BBS9: variants seen among roughly 807,000 people sequenced by gnomAD.
BBS9 encodes Bardet-Biedl syndrome 9.
In BBS9, 89 loss-of-function variants were observed where a neutral mutation model predicts 117.7. The ratio of observed to expected loss-of-function variants is 0.76; its 90% CI spans 0.64 to 0.90. BBS9 has a LOEUF of 0.90. Ranked by LOEUF, BBS9 falls within the 40% of genes least tolerant of loss-of-function variation. The pLI is 0.00. For synonymous variants in BBS9, 379 were observed against 370.9 expected (o/e 1.02, Z -0.25); for missense variants, 982 against 1,042.2 (o/e 0.94, Z 0.80).
chr7:33,623,583 T>C (rs1298175699), intron 21 of BBS9, among the ~76,000 whole-genome samples: 1 of 84,438 alleles, frequency 1.2e-5, no homozygotes, highest in East Asian at 3.4e-4. Flanking sequence ...CATAAAAGCA[T>C]GATTAAAAAA....
At chr7:33,362,208 G>A (rs757938930) in intron 16 of BBS9, among the ~76,000 whole-genome samples, 4 of 151,950 alleles carry the variant, frequency 2.6e-5, no homozygotes, top group Non-Finnish European at 5.9e-5. Flanking sequence ...ATTTCTCCCA[G>A]CCTGTGATAT....
At chr7:33,300,752 T>A (rs888515672) in intron 9 of BBS9, among the ~76,000 whole-genome samples, 1 of 152,120 alleles carries the variant, frequency 6.6e-6, no homozygotes, top group Non-Finnish European at 1.5e-5. Flanking sequence ...ATTTTAACCT[T>A]CCTCCTTAAT....
intron 20 of BBS9, among the ~76,000 whole-genome samples, chr7:33,530,382 A>G (rs1455937203): frequency 6.6e-6 from 1 of 152,266 alleles, no homozygotes; most frequent in African/African-American, 2.4e-5. Context: ...TGTCATATCT[A>G]CTTAAATTAT....
intron 5 of BBS9, among the ~76,000 whole-genome samples, chr7:33,220,920 T>G (rs1175800195): frequency 6.6e-6 from 1 of 152,258 alleles, no homozygotes; most frequent in Non-Finnish European, 1.5e-5. Context: ...ACTAAGAAAT[T>G]TGTTTTACAA....
chr7:33,229,123 G>T (rs1447780242), intron 5 of BBS9, among the ~76,000 whole-genome samples: 1 of 152,054 alleles, frequency 6.6e-6, no homozygotes, highest in African/African-American at 2.4e-5. Context: ...GTATTAAAAA[G>T]ATTACTATAG....
intron 21 of BBS9, among the ~76,000 whole-genome samples, chr7:33,543,294 C>A (rs1358256464): frequency 2.2e-5 from 3 of 138,632 alleles, no homozygotes; most frequent in Non-Finnish European, 4.6e-5. Context: ...CCTTAGCCCA[C>A]TTTTTGATGG....
At chr7:33,476,287 T>C (rs545151823) in intron 19 of BBS9, among the ~76,000 whole-genome samples, 6 of 152,328 alleles carry the variant, frequency 3.9e-5, no homozygotes, top group Non-Finnish European at 5.9e-5. Context: ...GGACTATTTA[T>C]ATGGGTAATA....
chr7:33,358,565 T>C (rs1161483244), intron 16 of BBS9, among the ~76,000 whole-genome samples: 1 of 151,896 alleles, frequency 6.6e-6, no homozygotes, highest in Non-Finnish European at 1.5e-5. Context: ...TGGGGTAATT[T>C]GTGATGGTAT....
intron 9 of BBS9, among the ~76,000 whole-genome samples, chr7:33,326,237 C>A (rs79348821): frequency 1.3e-5 from 2 of 151,320 alleles, no homozygotes; most frequent in Non-Finnish European, 2.9e-5. Context: ...CTCCCCTCCC[C>A]TCCCCCTCCC....
chr7:33,197,238 T>G (rs935011091), intron 5 of BBS9, among the ~76,000 whole-genome samples: 1 of 152,136 alleles, frequency 6.6e-6, no homozygotes, highest in African/African-American at 2.4e-5. Flanking sequence ...TGACAACCAT[T>G]TTTGATCCAT....
intron 19 of BBS9, among the ~76,000 whole-genome samples, chr7:33,460,866 T>G (rs941219302): frequency 2.0e-5 from 3 of 152,064 alleles, no homozygotes; most frequent in Admixed American, 6.6e-5. Context: ...GTAAAACGCC[T>G]TACCCAATAA....
rs74748415 is a variant in BBS9 at position 33,605,679 on chromosome 7, C to G, written c.*453C>G. The G allele has an allele frequency of 5.1e-3, 950 of 186,534 alleles. 12 individuals are homozygous for G. The East Asian group carries it at 0.063, about 12-fold the overall frequency. 11.6% of individuals were successfully genotyped at this position (186,534 alleles called of 1,614,324 possible). A position where few individuals can be genotyped will look rare whatever the true frequency, so the allele number is the denominator to read the frequency against. On this transcript the variant is annotated 3_prime_UTR_variant, in exon 23 of 23. Transcript: ENST00000242067. Reference sequence around the variant, plus strand: ...TTAGAGGGATTTATGAGTGATTGCTCTACATTATTTCTTCAAAGGAAAGGA... The same window carrying G: ...TTAGAGGGATTTATGAGTGATTGCTGTACATTATTTCTTCAAAGGAAAGGA...
intron 16 of BBS9, among the ~76,000 whole-genome samples, chr7:33,365,465 T>G (rs73313177): frequency 0.12 from 17,897 of 152,270 alleles, 1,147 homozygotes; most frequent in African/African-American, 0.17. Context: ...GTATCCTCAG[T>G]TGCCAACTCT....
chr7:33,628,022 A>G (rs1219263091), intron 21 of BBS9, among the ~76,000 whole-genome samples: 4 of 152,140 alleles, frequency 2.6e-5, no homozygotes, highest in Non-Finnish European at 5.9e-5. Flanking sequence ...CTCTGTCTCA[A>G]AAAAAAATTA....
chr7:33,367,493 A>G (rs1325463196), intron 16 of BBS9, among the ~76,000 whole-genome samples: 1 of 152,206 alleles, frequency 6.6e-6, no homozygotes, highest in African/African-American at 2.4e-5. Flanking sequence ...ATGAAAAGAT[A>G]TTCTAAGTTC....
chr7:33,433,186 T>C (rs1584808227), intron 19 of BBS9, among the ~76,000 whole-genome samples: 1 of 152,330 alleles, frequency 6.6e-6, no homozygotes. Flanking sequence ...TTATACTAAT[T>C]GCAGAGATAG....
chr7:33,428,566 C>T (rs1251080652), intron 19 of BBS9, among the ~76,000 whole-genome samples: 3 of 152,122 alleles, frequency 2.0e-5, no homozygotes, highest in African/African-American at 4.8e-5. Context: ...AACTGAAGAA[C>T]ATGATTGACT....
chr7:33,401,316 A>G (rs1026092017), intron 19 of BBS9, among the ~76,000 whole-genome samples: 1 of 152,156 alleles, frequency 6.6e-6, no homozygotes. Flanking sequence ...TTCAAGGTAA[A>G]AGTATTTGAG....
At chr7:33,543,410 C>G (rs748917896) in intron 21 of BBS9, among the ~76,000 whole-genome samples, 9 of 151,910 alleles carry the variant, frequency 5.9e-5, no homozygotes, top group Non-Finnish European at 1.0e-4. Context: ...TGTGGGTTGT[C>G]TGTTTACTCT....
Sources: gnomAD v4.1 joint callset for allele counts (sites outside exome capture counted in the v4.1 genomes callset) on GRCh38, gnomAD v4.1.1 for gene constraint, MANE v1.5 for transcripts, NCBI Gene and HGNC (gene_info 2026-07-23, HGNC 2026-07-21) for gene names.